Variants in MLLT10 observed in about 807,000 individuals in gnomAD.
MLLT10 encodes protein AF-10.
MLLT10 carries 30 observed loss-of-function variants against 129.1 expected under a neutral mutation model. The ratio of observed to expected loss-of-function variants is 0.23; its 90% confidence interval spans 0.17 to 0.32. MLLT10 has a LOEUF of 0.32. MLLT10 is among the 10% of genes least tolerant of loss of function. MLLT10 has a pLI of 1.00. For missense variants in MLLT10, 1,119 were observed against 1,268.3 expected (o/e 0.88, Z 1.79); for synonymous variants, 490 against 446.4 (o/e 1.10, Z -1.23).
chr10:21,554,263 T>C (rs1447507694), intron 3 of MLLT10, among the ~76,000 whole-genome samples: 1 of 152,214 alleles, frequency 6.6e-6, no homozygotes, highest in Non-Finnish European at 1.5e-5. Context: ...TTTCAGTTCT[T>C]TAACTCTTTT....
rs181471485 is a variant in MLLT10, at chr10:21,626,120, C to G, written c.699+8913C>G. 2.2e-5 allele frequency: 36 copies of G among 1,610,096 alleles called. No individual in the cohort carries two copies. In the African/African-American group the frequency reaches 4.5e-4, roughly 20 times the overall value. Reference sequence around the variant, plus strand: ...TTGCACCTAGCTCCCCTGTTTCTCTCTCTGCCTGTAGGTCTTCATAACTCC... The same window carrying G: ...TTGCACCTAGCTCCCCTGTTTCTCTGTCTGCCTGTAGGTCTTCATAACTCC... On this transcript the variant is annotated intron_variant, in intron 8 of 22. Coordinates refer to ENST00000307729, the MANE Select transcript of MLLT10 (RefSeq NM_001195626.3).
chr10:21,657,731 GTCTCTT>G (rs2049756646), intron 9 of MLLT10, among the ~76,000 whole-genome samples: 1 of 152,060 alleles, frequency 6.6e-6, no homozygotes, highest in Non-Finnish European at 1.5e-5. Flanking sequence ...TCAGGTTTTT[GTCTCTT>G]TCTCTTTGCA....
At chr10:21,588,252 A>T (rs1436802545) in intron 4 of MLLT10, among the ~76,000 whole-genome samples, 3 of 151,994 alleles carry the variant, frequency 2.0e-5, no homozygotes, top group Non-Finnish European at 4.4e-5. Context: ...TTTTTAGTAG[A>T]GATGGGGTTT....
intron 21 of MLLT10, chr10:21,738,558 T>C: frequency 1.2e-5 from 15 of 1,269,744 alleles, no homozygotes; most frequent in Non-Finnish European, 1.5e-5. Flanking sequence ...AAACTTAACG[T>C]AGGTGAGGAT....
intron 11 of MLLT10, among the ~76,000 whole-genome samples, chr10:21,678,039 A>G (rs914374192): frequency 1.3e-5 from 2 of 152,242 alleles, no homozygotes; most frequent in African/African-American, 4.8e-5. Flanking sequence ...ATGATTTTGT[A>G]CTTCCCCTCT....
rs536991767 is a variant in MLLT10, at chr10:21,650,578, C to T, written c.700-1095C>T. The stretch of plus-strand genomic sequence containing the variant: ...TGACAGAGATACCAATCTTTCATGG[C>T]TTGAAAAGATTAAGGGCCCTCAATG... On this transcript the variant is annotated intron_variant, in intron 8 of 22. Coordinates refer to ENST00000307729, the MANE Select transcript of MLLT10 (RefSeq NM_001195626.3). Among the ~76,000 whole-genome samples, 328 of 151,854 alleles carry T rather than the reference C, an allele frequency of 2.2e-3. 2 individuals are homozygous for T. Among genetic ancestry groups the T allele is most frequent in the African/African-American group, 7.5e-3 (312 of 41,414 alleles).
Position 21,614,849 on chromosome 10 carries a change from G to A in MLLT10, c.528G>A (p.Leu176=). The change falls in exon 7 of 23, where the codon CTG becomes CTA. Residue 176 remains leucine (L), a synonymous_variant. Coordinates refer to ENST00000307729, the MANE Select transcript of MLLT10 (RefSeq NM_001195626.3). ...FHVTCAQFAG[L]LCEEEGNGAD... ...TTTTCAGCGCTCAGTTTGCCGGACT[G>A]CTTTGTGAAGAAGAAGGTAATGGTG... 1 of 1,612,634 alleles carries A rather than the reference G, an allele frequency of 6.2e-7. No homozygotes were observed. Among genetic ancestry groups the A allele is most frequent in the Non-Finnish European group, 8.5e-7 (1 of 1,179,620 alleles).
chr10:21,539,588 A>G (rs1031373929), intron 3 of MLLT10, among the ~76,000 whole-genome samples: 10 of 151,752 alleles, frequency 6.6e-5, no homozygotes, highest in African/African-American at 1.9e-4. Flanking sequence ...CCTGGCCAAC[A>G]TGGTGAAACC....
intron 3 of MLLT10, among the ~76,000 whole-genome samples, chr10:21,571,280 C>G (rs932771982): frequency 2.0e-5 from 3 of 152,206 alleles, no homozygotes; most frequent in African/African-American, 4.8e-5. Context: ...GTCATTCAAC[C>G]AAAAGTTCTA....
At chr10:21,552,861 G>A (rs936631164) in intron 3 of MLLT10, among the ~76,000 whole-genome samples, 4 of 148,266 alleles carry the variant, frequency 2.7e-5, no homozygotes, top group Admixed American at 6.8e-5. Flanking sequence ...TCCTCCTTGC[G>A]CCTTCCTCCT....
intron 8 of MLLT10, among the ~76,000 whole-genome samples, chr10:21,640,823 A>T (rs2047928556): frequency 1.3e-5 from 2 of 152,306 alleles, no homozygotes; most frequent in Non-Finnish European, 1.5e-5. Flanking sequence ...ATTATGATTG[A>T]CTTTACACAA....
rs776903657 is a variant in MLLT10, at chr10:21,673,435, C to T, written c.1137C>T (p.Asp379=). ...QSPQDFLSFT[D]SDLRNDSYSH... ...CCCAGGATTTCCTGAGCTTTACAGA[C>T]TCAGATCTGCGTAATGACAGTTACT... is the stretch of plus-strand genomic sequence containing the variant. Residue 379 remains aspartate, a synonymous_variant, in exon 11 of 23, where the codon GAC becomes GAT. Transcript: ENST00000307729. The T allele has an allele frequency of 1.2e-6, 2 of 1,612,260 alleles. No individual in the cohort carries two copies. The highest frequency in any genetic ancestry group is 2.2e-5 in the South Asian group (2 of 90,972).
intron 3 of MLLT10, among the ~76,000 whole-genome samples, chr10:21,563,078 C>T (rs1326039964): frequency 6.6e-6 from 1 of 152,036 alleles, no homozygotes; most frequent in Non-Finnish European, 1.5e-5. Context: ...CCTATTGCAC[C>T]ATCTTCCCAG....
At chr10:21,689,601 TTATATA>T (rs71393920) in intron 13 of MLLT10, among the ~76,000 whole-genome samples, 4 of 130,514 alleles carry the variant, frequency 3.1e-5, no homozygotes, top group Admixed American at 8.1e-5. Context: ...CGTGTGTGTT[TTATATA>T]TATATATATA....
intron 8 of MLLT10, among the ~76,000 whole-genome samples, chr10:21,635,879 G>A (rs2047410059): frequency 6.7e-6 from 1 of 149,178 alleles, no homozygotes; most frequent in South Asian, 2.1e-4. Context: ...GCCTGCCTTG[G>A]CTCCCCAAAG....
Position 21,730,870 on chromosome 10 carries a change from T to A in MLLT10, c.2064-30T>A, listed in dbSNP as rs763972620. Reference sequence around the variant, plus strand: ...TGTACTCTCTTAAAAGCATTCCCCTTCTTTTTAACTTGAGAATTGTTTTCA... The same window carrying A: ...TGTACTCTCTTAAAAGCATTCCCCTACTTTTTAACTTGAGAATTGTTTTCA... On this transcript the variant is annotated intron_variant, in intron 16 of 22. Transcript: ENST00000307729. 8 of 1,613,772 alleles carry A rather than the reference T, an allele frequency of 5.0e-6. No homozygotes were observed. In the South Asian group the frequency reaches 8.8e-5, roughly 18 times the overall value.
At chr10:21,583,357 G>T (rs1330558174) in intron 3 of MLLT10, among the ~76,000 whole-genome samples, 4 of 152,076 alleles carry the variant, frequency 2.6e-5, no homozygotes, top group Admixed American at 2.0e-4. Flanking sequence ...TTAGGCCAGA[G>T]CCCTGAGGAA....
chr10:21,618,166 T>C (rs1462422482), intron 8 of MLLT10, among the ~76,000 whole-genome samples: 6 of 152,216 alleles, frequency 3.9e-5, no homozygotes, highest in Admixed American at 3.9e-4. Flanking sequence ...TCTCTTATCA[T>C]TTTCACATTT....
intron 10 of MLLT10, 193 bp downstream of exon 10, chr10:21,670,897 TC>T: frequency 1.5e-5 from 8 of 548,566 alleles, no homozygotes; most frequent in Non-Finnish European, 2.4e-5. Context: ...ACTTTTTCTT[TC>T]CTTTTATAAT....
Sources: allele counts gnomAD v4.1 joint callset (sites outside exome capture counted in the v4.1 genomes callset), GRCh38; gene constraint gnomAD v4.1.1; transcripts MANE v1.5; gene names NCBI Gene and HGNC (gene_info 2026-07-23, HGNC 2026-07-21).